Variants in NUP188 observed in about 807,000 individuals in gnomAD.
The protein encoded by NUP188 is nucleoporin NUP188.
In NUP188, 97 loss-of-function variants were observed where a neutral mutation model predicts 223.0. The ratio of observed to expected loss-of-function variants is 0.43; its 90% CI spans 0.37 to 0.51. NUP188 has a LOEUF of 0.51. Ranked by LOEUF, NUP188 falls within the 20% of genes least tolerant of loss-of-function variation. The pLI is 0.00. For synonymous variants in NUP188, 869 were observed against 828.0 expected, an observed-to-expected ratio of 1.05 and a Z score of -0.85; for missense variants, 1,947 against 2,175.6, an observed-to-expected ratio of 0.89 and a Z score of 2.09.
chr9:128,987,080 AGAGAGAGAGTGTGT>A (rs1207798672), intron 22 of NUP188, among the ~76,000 whole-genome samples: 7 of 132,298 alleles, frequency 5.3e-5, no homozygotes, highest in African/African-American at 2.1e-4. Context: ...AGAGAGAGAG[AGAGAGAGAGTGTGT>A]GTGTGTGTGT....
intron 8 of NUP188, among the ~76,000 whole-genome samples, chr9:128,960,901 A>G (rs1456787346): frequency 6.6e-6 from 1 of 152,112 alleles, no homozygotes; most frequent in Non-Finnish European, 1.5e-5. Context: ...CCTGGCCAAC[A>G]TGGTGAAACC....
At chr9:128,986,755 A>G in intron 21 of NUP188, 54 bp from the exon 22 acceptor site, 2 of 1,612,944 alleles carry the variant, frequency 1.2e-6, no homozygotes, top group Non-Finnish European at 1.7e-6. Context: ...CTTTCTTGAG[A>G]TAAGGGGTCA....
Position 129,006,976 on chromosome 9 carries a change from G to T in NUP188, c.*298G>T, listed in dbSNP as rs1371003765. ...CCACAGCACTGCCGGCCAGGGGAGA[G>T]GCGGCAGCCCAGCAGAGGGCTCTAT... is the stretch of plus-strand genomic sequence containing the variant. On this transcript the variant is annotated 3_prime_UTR_variant, in exon 44 of 44. Coordinates refer to ENST00000372577, the MANE Select transcript of NUP188 (RefSeq NM_015354.3). 3 of 325,748 alleles carry T rather than the reference G, an allele frequency of 9.2e-6. No homozygotes were observed. The highest frequency in any genetic ancestry group is 1.7e-5 in the Non-Finnish European group (3 of 178,024). 20.2% of individuals were successfully genotyped at this position (325,748 alleles called of 1,614,324 possible).
intron 19 of NUP188, among the ~76,000 whole-genome samples, chr9:128,984,299 C>T (rs1842300768): frequency 6.6e-6 from 1 of 151,582 alleles, no homozygotes; most frequent in Non-Finnish European, 1.5e-5. Flanking sequence ...GGTAATTTTG[C>T]ATTTTTGGTA....
In NUP188 at chr9:128,981,364, A is replaced by C. The variant is rs1474679665; in HGVS notation, c.1490A>C (p.Gln497Pro). ...SHEDGTLWRR[Q>P]TPKLLYPLGG... ...GAAGATGGAACTCTTTGGCGGAGAC[A>C]AACACCCAAACTCCTTTATCCCCTT... The change falls in exon 15 of 44, where the codon CAA becomes CCA. Residue 497 changes from glutamine (Q) to proline (P), a missense_variant. Physicochemically the swap from Gln to Pro is moderately conservative, Grantham distance 76. Around this residue, in one of 3 missense-constraint regions of NUP188, gnomAD observed 817 missense variants for 865.8 expected, o/e 0.94. Transcript: ENST00000372577. 2 of 1,614,058 alleles carry C rather than the reference A, an allele frequency of 1.2e-6. No individual in the cohort carries two copies. Among genetic ancestry groups the C allele is most frequent in the East Asian group, 4.5e-5 (2 of 44,886 alleles).
Position 128,999,332 on chromosome 9 carries a change from CAG to C in NUP188, c.3661+16_3661+17del. 6.2e-7 allele frequency: 1 copy of C among 1,611,720 alleles called. No homozygotes were observed. Among genetic ancestry groups the C allele is most frequent in the Non-Finnish European group, 8.5e-7 (1 of 1,178,174 alleles). On this transcript the variant is annotated intron_variant, in intron 33 of 43. Transcript: ENST00000372577. ...GGAGATGAAAGGTGAGGGGCAGAGG[CAG>C]GGGGAGCAGCAGCTGCAGTCTGCCC...
At chr9:129,005,806 TC>T (rs755004450) in intron 41 of NUP188, 30 bp downstream of exon 41, 6 of 1,554,308 alleles carry the variant, frequency 3.9e-6, no homozygotes, top group African/African-American at 2.7e-5. Flanking sequence ...CACTGTCCTC[TC>T]CCCCCGGCTC....
chr9:128,983,503 T>C lies in NUP188; in HGVS notation c.1914T>C (p.Phe638=). Reference sequence around the variant, plus strand: ...GGACTGATCTTCGTCACACAGGTTTTTTACCATTTGTGGCCCATCCTGTCT... The same window carrying C: ...GGACTGATCTTCGTCACACAGGTTTCTTACCATTTGTGGCCCATCCTGTCT... ...KVWTDLRHTG[F]LPFVAHPVSS... Residue 638 remains phenylalanine (F), a synonymous_variant, in exon 19 of 44, where the codon TTT becomes TTC. Coordinates refer to ENST00000372577, the MANE Select transcript of NUP188 (RefSeq NM_015354.3). 1 of 1,614,192 alleles carries C rather than the reference T, an allele frequency of 6.2e-7. No individual in the cohort carries two copies. The highest frequency in any genetic ancestry group is 1.7e-5 in the Admixed American group (1 of 60,024).
chr9:128,958,922 C>CTTTA (rs1308915503), intron 7 of NUP188, 28 bp downstream of exon 7: 1 of 1,471,810 alleles, frequency 6.8e-7, no homozygotes, highest in Non-Finnish European at 9.3e-7. Context: ...TCTTGCTTCT[C>CTTTA]TTTATACTGT....
Position 128,994,864 on chromosome 9 carries a change from C to T in NUP188, c.3096C>T (p.Ile1032=). 1 of 1,613,670 alleles carries T rather than the reference C, an allele frequency of 6.2e-7. No homozygotes were observed. Among genetic ancestry groups the T allele is most frequent in the Non-Finnish European group, 8.5e-7 (1 of 1,179,562 alleles). The change falls in exon 29 of 44, where the codon ATC becomes ATT. Residue 1032 remains isoleucine, a synonymous_variant. Coordinates refer to ENST00000372577, the MANE Select transcript of NUP188 (RefSeq NM_015354.3). The part of the protein sequence containing the change: ...SPPSETSEPS[I]LETCALIMKI... Reference sequence around the variant, plus strand: ...TTCTGCTATCTCCACAGCCCAGCATCCTGGAAACCTGTGCCCTAATCATGA... The same window carrying T: ...TTCTGCTATCTCCACAGCCCAGCATTCTGGAAACCTGTGCCCTAATCATGA...
In NUP188 at chr9:128,986,368, A is replaced by G. The variant is rs537613764; in HGVS notation, c.2077-190A>G. 2.6e-5 allele frequency among the ~76,000 whole-genome samples: 4 copies of G among 152,048 alleles called. No homozygotes were observed. In the South Asian group the frequency reaches 6.2e-4, roughly 24 times the overall value. ...GACATTCTCTTTCATCACTTTTTCT[A>G]TTCTAGAAAAGACCCACAACTTGGG... On this transcript the variant is annotated intron_variant, in intron 20 of 43. Transcript: ENST00000372577.
At chr9:128,971,599 T>C (rs1365889176) in intron 11 of NUP188, among the ~76,000 whole-genome samples, 1 of 151,892 alleles carries the variant, frequency 6.6e-6, no homozygotes, top group Non-Finnish European at 1.5e-5. Flanking sequence ...TTTGTATTTT[T>C]AGTAGAGACG....
intron 8 of NUP188, among the ~76,000 whole-genome samples, chr9:128,965,383 T>G (rs768813859): frequency 1.3e-5 from 2 of 152,180 alleles, no homozygotes; most frequent in Non-Finnish European, 2.9e-5. Flanking sequence ...GCTTTTACTC[T>G]CTTTAGAGTC....
intron 31 of NUP188, 65 bp from the exon 32 acceptor site, chr9:128,998,472 AG>A: frequency 7.3e-7 from 1 of 1,369,386 alleles, no homozygotes; most frequent in Non-Finnish European, 1.0e-6. Flanking sequence ...ATGAGGCCGG[AG>A]GTGCCCTGTG....
chr9:128,952,471 C>CCAGCA (rs1470349554), intron 2 of NUP188, among the ~76,000 whole-genome samples: 1 of 151,628 alleles, frequency 6.6e-6, no homozygotes, highest in East Asian at 1.9e-4. Flanking sequence ...GCCTGTAATC[C>CCAGCA]CAGCACTTTG....
Position 128,959,029 on chromosome 9 carries a change from CTG to C in NUP188, c.484_485del (p.Val162Ter), listed in dbSNP as rs1564550972. 1.9e-6 allele frequency: 3 copies of C among 1,581,328 alleles called. No homozygotes were observed. The highest frequency in any genetic ancestry group is 2.6e-6 in the Non-Finnish European group (3 of 1,157,862). On this transcript the variant is annotated frameshift_variant, in exon 8 of 44. Coordinates refer to ENST00000372577, the MANE Select transcript of NUP188 (RefSeq NM_015354.3). LOFTEE classifies it high-confidence loss of function. ...RHPYRVEYADCVDKLEKELVS... is the reference protein window; with the variant it reads ...RHPYRVEYADXVDKLEKELVS... Reference sequence around the variant, plus strand: ...ATTTTTTAAAGGTTGAATATGCAGACTGTGTTGATAAATTGGAGAAGGAACTA... The same window carrying C: ...ATTTTTTAAAGGTTGAATATGCAGACTGTTGATAAATTGGAGAAGGAACTA...
chr9:128,973,267 A>G lies in NUP188; in HGVS notation c.1203+18A>G, dbSNP rs1287546422. 1.2e-6 allele frequency: 2 copies of G among 1,601,270 alleles called. No individual in the cohort carries two copies. The highest frequency in any genetic ancestry group is 1.3e-5 in the African/African-American group (1 of 74,772). ...ATCAGCAGGTCAGTGTCTGGCTTTC[A>G]TGAAGCTGTCTCTACTGCCCAGCTT... On this transcript the variant is annotated intron_variant, in intron 12 of 43. Coordinates refer to ENST00000372577, the MANE Select transcript of NUP188 (RefSeq NM_015354.3).
chr9:129,006,699 C>A lies in NUP188; in HGVS notation c.*21C>A. 1 of 1,602,364 alleles carries A rather than the reference C, an allele frequency of 6.2e-7. No homozygotes were observed. On this transcript the variant is annotated 3_prime_UTR_variant, in exon 44 of 44. Coordinates refer to ENST00000372577, the MANE Select transcript of NUP188 (RefSeq NM_015354.3). ...GATAGGGCAGTGCTGTTCTGCCCAC[C>A]TACCCCTCTCCACCAGCCTACACTG...
At chr9:128,997,019 G>A (rs1162798654) in intron 30 of NUP188, among the ~76,000 whole-genome samples, 2 of 152,140 alleles carry the variant, frequency 1.3e-5, no homozygotes, top group Non-Finnish European at 2.9e-5. Flanking sequence ...TAAAAAATAT[G>A]GTTTCAGATA....
Sources: allele counts gnomAD v4.1 joint callset (sites outside exome capture counted in the v4.1 genomes callset), GRCh38; gene constraint gnomAD v4.1.1; regional missense constraint gnomAD v4.1.1; transcripts MANE v1.5; gene names NCBI Gene and HGNC (gene_info 2026-07-23, HGNC 2026-07-21).